Variants in CBFA2T2 observed in about 807,000 individuals in gnomAD.
The protein encoded by CBFA2T2 is protein CBFA2T2.
In CBFA2T2, 11 loss-of-function variants were observed where a neutral mutation model predicts 62.2. That is an observed-to-expected ratio of 0.18 (90% CI 0.11 to 0.29). The LOEUF (loss-of-function observed/expected upper bound fraction) is 0.29. CBFA2T2 is among the 10% of genes least tolerant of loss of function. The probability of loss-of-function intolerance (pLI) is 1.00; values close to 1 mark genes in which losing one functional copy is unlikely to be tolerated. For missense variants in CBFA2T2, 592 were observed against 774.1 expected (o/e 0.76, Z 2.79); for synonymous variants, 295 against 287.5 (o/e 1.03, Z -0.27).
At chr20:33,500,645 G>A (rs1263595117) in intron 1 of CBFA2T2, among the ~76,000 whole-genome samples, 11 of 152,028 alleles carry the variant, frequency 7.2e-5, no homozygotes, top group Admixed American at 7.2e-4. Context: ...GGAGGCAGAG[G>A]TTGTAGTGAG....
intron 1 of CBFA2T2, among the ~76,000 whole-genome samples, chr20:33,551,873 T>C (rs190731053): frequency 6.6e-6 from 1 of 152,320 alleles, no homozygotes; most frequent in East Asian, 1.9e-4. Flanking sequence ...CTATTAAGTT[T>C]AATTCTTGAT....
chr20:33,592,382 A>ATATATATAATTATGTAAAAAT (rs1555840417), intron 1 of CBFA2T2, among the ~76,000 whole-genome samples: 4 of 142,620 alleles, frequency 2.8e-5, no homozygotes, highest in Admixed American at 7.1e-5. Context: ...TTTTATATAT[A>ATATATATAATTATGTAAAAAT]TATATATATA....
rs555057636 is a variant in CBFA2T2 at position 33,615,973 on chromosome 20, A to G, written c.421-3544A>G. Among the ~76,000 whole-genome samples the G allele has an allele frequency of 2.6e-5, 4 of 152,134 alleles. No homozygotes were observed. The South Asian group carries it at 8.3e-4, about 32-fold the overall frequency. On this transcript the variant is annotated intron_variant, in intron 3 of 10. Coordinates refer to ENST00000342704, the MANE Select transcript of CBFA2T2 (RefSeq NM_001032999.3). ...TGCCTATAGTCCCAGATACTCAGGA[A>G]GTTGAGGCAGGAGGATCACTTAAGC...
At chr20:33,532,011 T>TAGTG (rs1445783790) in intron 1 of CBFA2T2, among the ~76,000 whole-genome samples, 1 of 152,198 alleles carries the variant, frequency 6.6e-6, no homozygotes, top group African/African-American at 2.4e-5. Context: ...TGGAGTAATG[T>TAGTG]AGTGACCTCC....
At chr20:33,530,965 A>G (rs1482303550) in intron 1 of CBFA2T2, among the ~76,000 whole-genome samples, 1 of 152,040 alleles carries the variant, frequency 6.6e-6, no homozygotes, top group African/African-American at 2.4e-5. Context: ...CTGTAATCGC[A>G]GCTCCTGTAA....
intron 1 of CBFA2T2, among the ~76,000 whole-genome samples, chr20:33,592,391 T>A (rs1339753471): frequency 3.4e-5 from 5 of 147,226 alleles, no homozygotes; most frequent in Non-Finnish European, 7.5e-5. Flanking sequence ...TATATATATA[T>A]AATTATGTAA....
chr20:33,560,238 T>C (rs2013037763), intron 1 of CBFA2T2, among the ~76,000 whole-genome samples: 1 of 152,168 alleles, frequency 6.6e-6, no homozygotes, highest in Non-Finnish European at 1.5e-5. Flanking sequence ...TAGGACTGCT[T>C]GAGTGTCTTC....
intron 1 of CBFA2T2, among the ~76,000 whole-genome samples, chr20:33,581,663 G>A (rs1018655065): frequency 6.6e-6 from 1 of 152,210 alleles, no homozygotes; most frequent in Admixed American, 6.5e-5. Context: ...TCACTAATCT[G>A]TAGGTATAAA....
chr20:33,508,159 A>G (rs1362491081), intron 1 of CBFA2T2, among the ~76,000 whole-genome samples: 2 of 152,016 alleles, frequency 1.3e-5, no homozygotes, highest in African/African-American at 4.8e-5. Context: ...CAGTGGCGCA[A>G]TCTCAGCCCA....
intron 1 of CBFA2T2, among the ~76,000 whole-genome samples, chr20:33,544,121 A>G (rs910496373): frequency 1.3e-5 from 2 of 152,130 alleles, no homozygotes; most frequent in African/African-American, 2.4e-5. Context: ...CTCTGCTCAG[A>G]ACCCTGTTAA....
At chr20:33,526,838 T>G (rs2011902253) in intron 1 of CBFA2T2, among the ~76,000 whole-genome samples, 2 of 152,222 alleles carry the variant, frequency 1.3e-5, no homozygotes, top group South Asian at 4.1e-4. Flanking sequence ...GTTTGTGTGG[T>G]TGGAAGCCTC....
intron 1 of CBFA2T2, among the ~76,000 whole-genome samples, chr20:33,497,274 CAAAAAAAAA>C (rs34528525): frequency 5.2e-5 from 3 of 58,080 alleles, no homozygotes; most frequent in Admixed American, 2.7e-4. Context: ...ACCCTGTCTC[CAAAAAAAAA>C]AAAAAAAAAA....
chr20:33,645,201 A>T lies in CBFA2T2; in HGVS notation c.*555A>T, dbSNP rs2017008941. 6.6e-6 allele frequency: 1 copy of T among 152,586 alleles called. No homozygotes were observed. The highest frequency in any genetic ancestry group is 2.4e-5 in the African/African-American group (1 of 41,456). The allele number at this position is 152,586 out of a possible 1,614,324, so 9.5% of individuals were successfully genotyped here. A position where few individuals can be genotyped will look rare whatever the true frequency, so the allele number is the denominator to read the frequency against. On this transcript the variant is annotated 3_prime_UTR_variant, in exon 11 of 11. Coordinates refer to ENST00000342704, the MANE Select transcript of CBFA2T2 (RefSeq NM_001032999.3). Reference sequence around the variant, plus strand: ...AACCCTGCTGTTCAGACTTGATAAGATCTCAGAGTCCACAGGAAAGAAGTC... The same window carrying T: ...AACCCTGCTGTTCAGACTTGATAAGTTCTCAGAGTCCACAGGAAAGAAGTC...
chr20:33,513,509 C>T, intron 1 of CBFA2T2, among the ~76,000 whole-genome samples: 1 of 151,666 alleles, frequency 6.6e-6, no homozygotes, highest in South Asian at 2.1e-4. Flanking sequence ...TTACAGGTGC[C>T]CACCATCACG....
rs993416837 is a variant in CBFA2T2, at chr20:33,648,770, T to A, written c.*4124T>A. ...TGCAGCGTGGATTTCCTTTGCCCAT[T>A]TGGGCCAGAAGGTCACCAGGAGTTC... On this transcript the variant is annotated 3_prime_UTR_variant, in exon 11 of 11. Coordinates refer to ENST00000342704, the MANE Select transcript of CBFA2T2 (RefSeq NM_001032999.3). 1 of 152,248 alleles carries A rather than the reference T, an allele frequency of 6.6e-6. No homozygotes were observed. Among genetic ancestry groups the A allele is most frequent in the Non-Finnish European group, 1.5e-5 (1 of 68,066 alleles). 9.4% of individuals were successfully genotyped at this position (152,248 alleles called of 1,614,324 possible).
chr20:33,502,771 T>A (rs1337014800), intron 1 of CBFA2T2, among the ~76,000 whole-genome samples: 2 of 150,136 alleles, frequency 1.3e-5, no homozygotes, highest in African/African-American at 4.9e-5. Flanking sequence ...TCCTAATTCC[T>A]TTCAGTGGAG....
chr20:33,589,178 G>A (rs1187000365), intron 1 of CBFA2T2, among the ~76,000 whole-genome samples: 1 of 152,206 alleles, frequency 6.6e-6, no homozygotes, highest in African/African-American at 2.4e-5. Flanking sequence ...GACAGTTGGA[G>A]CTGTGGGAGA....
At chr20:33,601,094 C>T (rs1367585518) in intron 1 of CBFA2T2, among the ~76,000 whole-genome samples, 3 of 150,258 alleles carry the variant, frequency 2.0e-5, no homozygotes, top group Non-Finnish European at 4.4e-5. Context: ...GCATAACAAA[C>T]CATGTCAGAA....
chr20:33,579,115 G>GTTTT (rs533821689), intron 1 of CBFA2T2, among the ~76,000 whole-genome samples: 20 of 128,248 alleles, frequency 1.6e-4, no homozygotes, highest in African/African-American at 5.3e-4. Flanking sequence ...GTTTTTTTTT[G>GTTTT]TTTTTTTTTT....
Sources: gnomAD v4.1 joint callset for allele counts (sites outside exome capture counted in the v4.1 genomes callset) on GRCh38, gnomAD v4.1.1 for gene constraint, MANE v1.5 for transcripts, NCBI Gene and HGNC (gene_info 2026-07-23, HGNC 2026-07-21) for gene names.